Variants in OSBP2 observed in about 807,000 individuals in gnomAD.
OSBP2 encodes the protein oxysterol-binding protein 2.
In OSBP2, 66 loss-of-function variants were observed where a neutral mutation model predicts 96.0. The ratio of observed to expected loss-of-function variants is 0.69; its 90% CI spans 0.56 to 0.84. The LOEUF (loss-of-function observed/expected upper bound fraction) is 0.84, where lower values mean the gene tolerates loss of function less well. Among genes scored for constraint, OSBP2 ranks in the 40% least tolerant of loss-of-function variants. The probability of loss-of-function intolerance (pLI) is 0.00; values close to 1 mark genes in which losing one functional copy is unlikely to be tolerated. For synonymous variants in OSBP2, 525 were observed against 520.9 expected (o/e 1.01, Z -0.11); for missense variants, 1,038 against 1,222.7 (o/e 0.85, Z 2.25).
intron 2 of OSBP2, among the ~76,000 whole-genome samples, chr22:30,789,173 T>C (rs753239787): frequency 5.3e-5 from 8 of 152,172 alleles, no homozygotes; most frequent in Admixed American, 1.3e-4. Flanking sequence ...AAATGCTTGC[T>C]CCTGGTGCTG....
chr22:30,712,137 AC>A (rs1313198202), intron 1 of OSBP2, among the ~76,000 whole-genome samples: 1 of 152,054 alleles, frequency 6.6e-6, no homozygotes, highest in East Asian at 1.9e-4. Context: ...ACTGTTTCAG[AC>A]CCTGTTCTCC....
At chr22:30,754,534 A>G (rs2090117992) in intron 2 of OSBP2, among the ~76,000 whole-genome samples, 1 of 152,132 alleles carries the variant, frequency 6.6e-6, no homozygotes, top group Non-Finnish European at 1.5e-5. Context: ...AGAGGAGAGA[A>G]GAGCTGTACC....
chr22:30,765,719 A>G (rs1351880024), intron 2 of OSBP2, among the ~76,000 whole-genome samples: 1 of 152,208 alleles, frequency 6.6e-6, no homozygotes, highest in Non-Finnish European at 1.5e-5. Context: ...GGATCCAGGA[A>G]GACAAAAGTG....
At chr22:30,798,564 A>G (rs1464605694) in intron 2 of OSBP2, among the ~76,000 whole-genome samples, 1 of 152,240 alleles carries the variant, frequency 6.6e-6, no homozygotes, top group African/African-American at 2.4e-5. Context: ...CAGCTCTCAC[A>G]TTTCAGTCTT....
At chr22:30,902,146 A>AAC in intron 12 of OSBP2, 1 of 390,886 alleles carries the variant, frequency 2.6e-6, no homozygotes, top group East Asian at 4.1e-5. Flanking sequence ...AAACCAAAAA[A>AAC]AAAAAACAGA....
chr22:30,737,179 C>G (rs2089868807), intron 1 of OSBP2, among the ~76,000 whole-genome samples: 1 of 152,132 alleles, frequency 6.6e-6, no homozygotes, highest in African/African-American at 2.4e-5. Context: ...CCACACCTGG[C>G]TAATTTTTCT....
intron 2 of OSBP2, among the ~76,000 whole-genome samples, chr22:30,760,930 A>G (rs1349999793): frequency 1.3e-5 from 2 of 152,218 alleles, no homozygotes; most frequent in African/African-American, 4.8e-5. Flanking sequence ...GACAAAATTT[A>G]ACATTATTCA....
At chr22:30,888,421 T>C (rs1168471659) in intron 5 of OSBP2, 81 bp downstream of exon 5, 16 of 882,846 alleles carry the variant, frequency 1.8e-5, no homozygotes, top group East Asian at 1.2e-4. Flanking sequence ...TATCTAGTTG[T>C]CTACTTGGGG....
At chr22:30,815,727 CTCTTTTT>C (rs1402210821) in intron 2 of OSBP2, among the ~76,000 whole-genome samples, 1 of 152,132 alleles carries the variant, frequency 6.6e-6, no homozygotes, top group Non-Finnish European at 1.5e-5. Flanking sequence ...TTCTATCTTT[CTCTTTTT>C]TCTTTTTTTT....
intron 2 of OSBP2, among the ~76,000 whole-genome samples, chr22:30,775,146 C>T (rs753865608): frequency 6.6e-5 from 10 of 152,216 alleles, no homozygotes; most frequent in South Asian, 2.1e-4. Flanking sequence ...AGCTCCAGAA[C>T]GTTTTCATCA....
chr22:30,709,133 A>G (rs1401704765), intron 1 of OSBP2, among the ~76,000 whole-genome samples: 2 of 152,110 alleles, frequency 1.3e-5, no homozygotes, highest in East Asian at 3.9e-4. Context: ...ATAAATAAAT[A>G]AACAAAAACA....
intron 2 of OSBP2, among the ~76,000 whole-genome samples, chr22:30,763,702 A>G (rs1170325985): frequency 2.0e-5 from 3 of 151,974 alleles, no homozygotes; most frequent in African/African-American, 7.2e-5. Context: ...AACGAATAAT[A>G]TTTTAGTATA....
In OSBP2 at chr22:30,701,349, T is replaced by C. The variant is rs186644569; in HGVS notation, c.644+5796T>C. Among the ~76,000 whole-genome samples the C allele has an allele frequency of 3.1e-3, 454 of 148,020 alleles. 1 individual carries two copies. Among genetic ancestry groups the C allele is most frequent in the African/African-American group, 0.01 (423 of 40,610 alleles). ...TTCTTTTTTCTTTTTCTTTTCTTTTTTTTTTTTTTTTTGAGACAGAGTCTC... is the reference window on the plus strand; with the variant it reads ...TTCTTTTTTCTTTTTCTTTTCTTTTCTTTTTTTTTTTTGAGACAGAGTCTC... On this transcript the variant is annotated intron_variant, in intron 1 of 13. Coordinates refer to ENST00000332585, the MANE Select transcript of OSBP2 (RefSeq NM_030758.4).
chr22:30,730,808 A>ATATATATATATATATATATATT (rs1491303061), intron 1 of OSBP2, among the ~76,000 whole-genome samples: 1 of 39,340 alleles, frequency 2.5e-5, no homozygotes, highest in African/African-American at 1.2e-4. Context: ...ATATATATAT[A>ATATATATATATATATATATATT]ATTTTTTTTT....
chr22:30,790,538 C>T (rs2090659270), intron 2 of OSBP2, among the ~76,000 whole-genome samples: 2 of 151,864 alleles, frequency 1.3e-5, no homozygotes, highest in Admixed American at 1.3e-4. Context: ...CATGTGGTTG[C>T]TCCAAGGCAG....
At chr22:30,795,430 T>C (rs190959174) in intron 2 of OSBP2, among the ~76,000 whole-genome samples, 1 of 152,234 alleles carries the variant, frequency 6.6e-6, no homozygotes, top group East Asian at 1.9e-4. Flanking sequence ...ATTACATGTA[T>C]ATTAGACTTT....
chr22:30,741,575 G>T (rs1277313002), intron 2 of OSBP2, among the ~76,000 whole-genome samples: 4 of 152,184 alleles, frequency 2.6e-5, no homozygotes, highest in Non-Finnish European at 5.9e-5. Context: ...TTCTTGGCAT[G>T]GAAATGTTTT....
chr22:30,803,072 C>CGCGGCGGCGGGAAG (rs1363220390), intron 2 of OSBP2: 16 of 204,720 alleles, frequency 7.8e-5, no homozygotes, highest in Non-Finnish European at 1.3e-4. Context: ...GGACTGAGAG[C>CGCGGCGGCGGGAAG]GCGGCGGCGG....
At chr22:30,817,988 C>CA (rs1356833137) in intron 2 of OSBP2, among the ~76,000 whole-genome samples, 4 of 152,082 alleles carry the variant, frequency 2.6e-5, no homozygotes, top group Non-Finnish European at 4.4e-5. Context: ...TTGACCTCCC[C>CA]AGGGTCAAGC....
Sources: allele counts gnomAD v4.1 joint callset (sites outside exome capture counted in the v4.1 genomes callset), GRCh38; gene constraint gnomAD v4.1.1; transcripts MANE v1.5; gene names NCBI Gene and HGNC (gene_info 2026-07-23, HGNC 2026-07-21).